ZNF275: variants seen among roughly 807,000 people sequenced by gnomAD.
The protein encoded by ZNF275 is zinc finger protein 275.
Under a neutral mutation model 4.3 loss-of-function variants are expected in ZNF275, and 4 were observed. The observed-to-expected ratio is 0.93, with a 90% CI of 0.46 to 2.13. The LOEUF is 2.13. Ranked by LOEUF, ZNF275 falls within the 30% of genes most tolerant of loss-of-function variation. ZNF275 has a pLI of 0.02. For missense variants in ZNF275, 352 were observed against 397.1 expected (o/e 0.89, Z 0.97); for synonymous variants, 173 against 166.9 (o/e 1.04, Z -0.28).
intron 1 of ZNF275, chrX:153,335,518 G>C (rs188387506): frequency 6.6e-5 from 7 of 105,919 alleles, no homozygotes; most frequent in African/African-American, 2.4e-4. Context: ...GGGATGTACT[G>C]AACTGGGTCA....
Position 153,347,176 on chromosome X carries a change from T to C in ZNF275, c.491T>C (p.Leu164Pro). ...AEPQPGPSRA[L>P]ENAAEKREQM... is the part of the protein sequence containing the mutation. ...CCCCAGCCCGGCCCCAGTAGGGCCC[T>C]GGAGAATGCCGCGGAGAAGAGGGAG... The change falls in exon 4 of 4, where the codon CTG (leucine) becomes CCG (proline). Residue 164 changes from leucine (L) to proline (P), a missense_variant. Leu to Pro is a moderately conservative substitution (Grantham distance 98, BLOSUM62 -3). Transcript: ENST00000650114. 1 of 1,209,710 alleles carries C rather than the reference T, an allele frequency of 8.3e-7. No individual in the cohort carries two copies. Among genetic ancestry groups the C allele is most frequent in the Non-Finnish European group, 1.1e-6 (1 of 894,379 alleles).
chrX:153,346,055 C>T (rs1183518167), intron 3 of ZNF275, among the ~76,000 whole-genome samples: 1 of 107,403 alleles, frequency 9.3e-6, no homozygotes, highest in Non-Finnish European at 1.9e-5. Flanking sequence ...TAGAGGGGCC[C>T]ATTTGGGCTC....
In ZNF275 at chrX:153,343,957, A is replaced by G. The variant is rs1181118179; in HGVS notation, c.32-1563A>G. On this transcript the variant is annotated intron_variant, in intron 2 of 3. Transcript: ENST00000650114. ...GCCAGGCTACTTTCCCCATTGTTCA[A>G]GATGTGTTTTCTCAGGCATCTCCGT... 4.5e-5 allele frequency among the ~76,000 whole-genome samples: 5 copies of G among 111,362 alleles called. No homozygotes were observed. In the Admixed American group the frequency reaches 4.7e-4, roughly 11 times the overall value.
intron 2 of ZNF275, 134 bp downstream of exon 2, chrX:153,336,844 G>T: frequency 1.7e-6 from 1 of 605,052 alleles, no homozygotes; most frequent in Non-Finnish European, 2.7e-6. Context: ...TTTCATCTGT[G>T]CCACTGTTGC....
At chrX:153,343,413 G>C in intron 2 of ZNF275, 1 of 354,987 alleles carries the variant, frequency 2.8e-6, no homozygotes, top group Non-Finnish European at 5.5e-6. Context: ...CACGGATGCC[G>C]GTGGTTGAAT....
chrX:153,336,567 G>A lies in ZNF275; in HGVS notation c.-46-67G>A. On this transcript the variant is annotated intron_variant, in intron 1 of 3. Coordinates refer to ENST00000650114, the MANE Select transcript of ZNF275 (RefSeq NM_001367757.1). Reference sequence around the variant, plus strand: ...AGTTCAGTACATCCCCCAAAATGTGGGGGACATGTTCCTGGGAGGTGCACA... The same window carrying A: ...AGTTCAGTACATCCCCCAAAATGTGAGGGACATGTTCCTGGGAGGTGCACA... 3.9e-6 allele frequency: 3 copies of A among 767,481 alleles called. No homozygotes were observed. In the South Asian group the frequency reaches 7.2e-5, roughly 18 times the overall value. The allele number at this position is 767,481 out of a possible 1,213,427, so 63.2% of individuals were successfully genotyped here.
rs1454187960 is a variant in ZNF275 at position 153,347,588 on chromosome X, C to G, written c.903C>G (p.Leu301=). 4 of 1,193,773 alleles carry G rather than the reference C, an allele frequency of 3.4e-6. No individual in the cohort carries two copies. The highest frequency in any genetic ancestry group is 4.5e-5 in the Admixed American group (2 of 44,388). Residue 301 remains leucine, a synonymous_variant, in exon 4 of 4, where the codon CTC becomes CTG. Transcript: ENST00000650114. Reference sequence around the variant, plus strand: ...ACGGGTGTCCCCACTGCGGCAAGCTCTTCCGAAGGAGCTCGGAGCTCACCA... The same window carrying G: ...ACGGGTGTCCCCACTGCGGCAAGCTGTTCCGAAGGAGCTCGGAGCTCACCA... The part of the protein sequence containing the change: ...KPYGCPHCGK[L]FRRSSELTKH...
At position 153,348,030 on chromosome X, in the gene ZNF275, G is replaced by A; in HGVS notation, c.*55G>A. On this transcript the variant is annotated 3_prime_UTR_variant, in exon 4 of 4. Coordinates refer to ENST00000650114, the MANE Select transcript of ZNF275 (RefSeq NM_001367757.1). ...CGGAGTCCCCAGAGGGGATGGCAGA[G>A]TCAAAGGAGATGAACAGTTTTGTAG... The A allele has an allele frequency of 9.5e-7, 1 of 1,056,890 alleles. No individual in the cohort carries two copies. The highest frequency in any genetic ancestry group is 1.2e-6 in the Non-Finnish European group (1 of 809,565). The allele number at this position is 1,056,890 out of a possible 1,213,427, so 87.1% of individuals were successfully genotyped here. A position where few individuals can be genotyped will look rare whatever the true frequency, so the allele number is the denominator to read the frequency against.
Position 153,351,243 on chromosome X carries a change from C to A in ZNF275, c.*3268C>A, listed in dbSNP as rs6627785. The A allele has an allele frequency of 9.0e-3, 1,119 of 123,905 alleles. 40 individuals carry two copies. The East Asian group carries it at 0.13, about 15-fold the overall frequency. 10.2% of individuals were successfully genotyped at this position (123,905 alleles called of 1,213,427 possible). A position where few individuals can be genotyped will look rare whatever the true frequency, so the allele number is the denominator to read the frequency against. ...GTGAAACCCGTGTTCTCTTTCAATGCAGTCTGTGGCTTTAACGTGTGTCCT... is the reference window on the plus strand; with the variant it reads ...GTGAAACCCGTGTTCTCTTTCAATGAAGTCTGTGGCTTTAACGTGTGTCCT... On this transcript the variant is annotated 3_prime_UTR_variant, in exon 4 of 4. Transcript: ENST00000650114.
chrX:153,351,180 C>T lies in ZNF275; in HGVS notation c.*3205C>T, dbSNP rs782010456. 8.9e-5 allele frequency: 11 copies of T among 123,870 alleles called. No homozygotes were observed. The highest frequency in any genetic ancestry group is 2.9e-4 in the African/African-American group (9 of 30,996). The allele number at this position is 123,870 out of a possible 1,213,427, so 10.2% of individuals were successfully genotyped here. The stretch of plus-strand genomic sequence containing the variant: ...TTAACACTAAAGATCTGGTCTTTGC[C>T]GTCAAGGTTGACAGAACAGCTGTTC... On this transcript the variant is annotated 3_prime_UTR_variant, in exon 4 of 4. Coordinates refer to ENST00000650114, the MANE Select transcript of ZNF275 (RefSeq NM_001367757.1).
At chrX:153,336,531 G>A in intron 1 of ZNF275, 103 bp from the exon 2 acceptor site, 1 of 551,616 alleles carries the variant, frequency 1.8e-6, no homozygotes, top group East Asian at 3.7e-5. Flanking sequence ...GTTGAACCCT[G>A]TATCTGGCCC....
chrX:153,334,944 G>A (rs1444954283), intron 1 of ZNF275, among the ~76,000 whole-genome samples: 1 of 109,328 alleles, frequency 9.1e-6, no homozygotes, highest in Non-Finnish European at 1.9e-5. Flanking sequence ...GAGAGCTGTG[G>A]AGAGGCAGGG....
intron 2 of ZNF275, among the ~76,000 whole-genome samples, chrX:153,341,951 C>T (rs926035752): frequency 1.8e-4 from 20 of 111,515 alleles, no homozygotes; most frequent in Admixed American, 1.7e-3. Context: ...CTTTCTTGGA[C>T]GTGTGAGCTT....
chrX:153,343,360 G>A (rs782700325), intron 2 of ZNF275: 1 of 334,213 alleles, frequency 3.0e-6, no homozygotes, highest in Admixed American at 3.1e-5. Context: ...CAGGAACTGT[G>A]TAGCTGTTTC....
intron 1 of ZNF275, among the ~76,000 whole-genome samples, 188 bp from the exon 2 acceptor site, chrX:153,336,446 G>A (rs1239887028): frequency 2.7e-5 from 3 of 112,875 alleles, no homozygotes; most frequent in Admixed American, 9.3e-5. Flanking sequence ...CAGGCTCAGC[G>A]TGGCCCAGGG....
rs782488431 is a variant in ZNF275 at position 153,343,532 on chromosome X, C to A, written c.32-1988C>A. Reference sequence around the variant, plus strand: ...GATCTTTTCTTTGAGGCTTATTTTTCCAGCTGTTTTGTTCCACTTTTCATT... The same window carrying A: ...GATCTTTTCTTTGAGGCTTATTTTTACAGCTGTTTTGTTCCACTTTTCATT... On this transcript the variant is annotated intron_variant, in intron 2 of 3. Coordinates refer to ENST00000650114, the MANE Select transcript of ZNF275 (RefSeq NM_001367757.1). 4.0e-4 allele frequency: 127 copies of A among 315,515 alleles called. 3 individuals carry two copies. Among genetic ancestry groups the A allele is most frequent in the South Asian group, 3.0e-3 (104 of 34,637 alleles). The allele number at this position is 315,515 out of a possible 1,213,427, so 26.0% of individuals were successfully genotyped here. A position where few individuals can be genotyped will look rare whatever the true frequency, so the allele number is the denominator to read the frequency against.
rs1556961628 is a variant in ZNF275 at position 153,346,929 on chromosome X, C to T, written c.244C>T (p.His82Tyr). The change falls in exon 4 of 4, where the codon CAC becomes TAC. Residue 82 changes from histidine to tyrosine, a missense_variant. His to Tyr is a moderately conservative substitution (Grantham distance 83, BLOSUM62 2). Transcript: ENST00000650114. Reference sequence around the variant, plus strand: ...TGGTCCCAGTCCTGAATTCAGACAGCACGGGGACTCTGACGGGAAGAGAGG... The same window carrying T: ...TGGTCCCAGTCCTGAATTCAGACAGTACGGGGACTCTGACGGGAAGAGAGG... Reference protein sequence around the residue: ...ASGPSPEFRQHGDSDGKRGSP... With the variant: ...ASGPSPEFRQYGDSDGKRGSP... 8.3e-7 allele frequency: 1 copy of T among 1,211,429 alleles called. No homozygotes were observed. Among genetic ancestry groups the T allele is most frequent in the East Asian group, 3.0e-5 (1 of 33,817 alleles).
In ZNF275 at chrX:153,347,508, C is replaced by T. The variant is rs782547256; in HGVS notation, c.823C>T (p.Arg275Ter). ...CTGCGACGACTGCGGCAAGTCCTTCCGAGGGGTCAACGGGCTGGCCGAGCA... is the reference window on the plus strand; with the variant it reads ...CTGCGACGACTGCGGCAAGTCCTTCTGAGGGGTCAACGGGCTGGCCGAGCA... Reference protein sequence around the residue: ...FDCDDCGKSFRGVNGLAEHQR... With the variant: ...FDCDDCGKSF The change falls in exon 4 of 4, where the codon CGA (arginine) becomes TGA (stop). Residue 275 changes from arginine (R) to a stop codon, truncating the protein, a stop_gained. Transcript: ENST00000650114. LOFTEE classifies it low-confidence loss of function (END_TRUNC). 3.3e-6 allele frequency: 4 copies of T among 1,197,841 alleles called. No individual in the cohort carries two copies. The highest frequency in any genetic ancestry group is 2.3e-4 in the Middle Eastern group (1 of 4,322).
intron 2 of ZNF275, among the ~76,000 whole-genome samples, 178 bp downstream of exon 2, chrX:153,336,888 T>C (rs1569527816): frequency 9.0e-6 from 1 of 111,429 alleles, no homozygotes; most frequent in Non-Finnish European, 1.9e-5. Context: ...GTTCTCTCAA[T>C]CCAAGCAATA....
Sources: allele counts gnomAD v4.1 joint callset (sites outside exome capture counted in the v4.1 genomes callset), GRCh38; gene constraint gnomAD v4.1.1; transcripts MANE v1.5; gene names NCBI Gene and HGNC (gene_info 2026-07-23, HGNC 2026-07-21).